The following POGZ variants were observed in gnomAD, a reference collection of about 807,000 sequenced individuals.
POGZ encodes the protein pogo transposable element derived with ZNF domain.
POGZ carries 17 observed loss-of-function variants against 134.6 expected under a neutral mutation model. The ratio of observed to expected loss-of-function variants is 0.13; its 90% CI spans 0.09 to 0.19. POGZ has a LOEUF of 0.19. POGZ is among the 10% of genes least tolerant of loss of function. The probability of loss-of-function intolerance (pLI) is 1.00; values close to 1 mark genes in which losing one functional copy is unlikely to be tolerated. For synonymous variants in POGZ, 693 were observed against 657.1 expected, an observed-to-expected ratio of 1.05 and a Z score of -0.84; for missense variants, 1,306 against 1,769.7, an observed-to-expected ratio of 0.74 and a Z score of 4.70.
intron 1 of POGZ, among the ~76,000 whole-genome samples, chr1:151,455,956 T>A (rs1662723235): frequency 6.8e-6 from 1 of 147,806 alleles, no homozygotes; most frequent in Non-Finnish European, 1.5e-5. Context: ...CTGACCAGGC[T>A]CAACTCCAAC....
At chr1:151,417,868 T>G (rs1405468799) in intron 10 of POGZ, among the ~76,000 whole-genome samples, 1 of 152,164 alleles carries the variant, frequency 6.6e-6, no homozygotes, top group African/African-American at 2.4e-5. Context: ...AGCTACTTTT[T>G]GAAAAGGTAT....
Position 151,411,785 on chromosome 1 carries a change from G to C in POGZ, c.1780-14C>G. On this transcript the variant is annotated splice_polypyrimidine_tract_variant and intron_variant, in intron 11 of 18. Transcript: ENST00000271715. ...ATATTGACACACCTGAGTCACATAG[G>C]AGGGAAAATAAGGCTAAGAATGAAG... 2 of 1,603,536 alleles carry C rather than the reference G, an allele frequency of 1.2e-6. No homozygotes were observed. The highest frequency in any genetic ancestry group is 1.7e-6 in the Non-Finnish European group (2 of 1,175,350).
In POGZ at chr1:151,405,015, T is replaced by G; in HGVS notation, c.4020A>C (p.Thr1340=). 1 of 1,614,184 alleles carries G rather than the reference T, an allele frequency of 6.2e-7. No homozygotes were observed. The highest frequency in any genetic ancestry group is 8.5e-7 in the Non-Finnish European group (1 of 1,180,034). The change falls in exon 19 of 19, where the codon ACA becomes ACC. Residue 1340 remains threonine, a synonymous_variant. Transcript: ENST00000271715. This position sits in a 1 kb window ranked among gnomAD's most constrained non-coding sequence, Gnocchi z 4.9. ...GCTCCTCCTGCATGTCAGCATTTCTTGTAGGTGAGTTAATGTTGCCATCGG... is the reference window on the plus strand; with the variant it reads ...GCTCCTCCTGCATGTCAGCATTTCTGGTAGGTGAGTTAATGTTGCCATCGG... The part of the protein sequence containing the change: ...PGPDGNINSP[T]RNADMQEELI...
Position 151,428,276 on chromosome 1 carries a change from T to C in POGZ, c.706A>G (p.Thr236Ala), listed in dbSNP as rs1241519979. The change falls in exon 6 of 19, where the codon ACC (threonine) becomes GCC (alanine). Residue 236 changes from threonine to alanine, a missense_variant. Around this residue, in one of 10 missense-constraint regions of POGZ, gnomAD observed 541 missense variants for 680.5 expected, o/e 0.80. Transcript: ENST00000271715. ...TFTTVIPATL[T>A]IRSTVPQSQS... ...GACTGTGGGACGGTGCTTCGAATGG[T>C]AAGAGTGGCCGGGATGACGGTGGTG... 1 of 1,613,956 alleles carries C rather than the reference T, an allele frequency of 6.2e-7. No homozygotes were observed. Among genetic ancestry groups the C allele is most frequent in the Non-Finnish European group, 8.5e-7 (1 of 1,180,004 alleles).
In POGZ at chr1:151,406,450, C is replaced by T. The variant is rs778395899; in HGVS notation, c.2585G>A (p.Arg862His). ...CACGTTCCGGTCATGCACTCGGTCACGAGTCTGGCCATGCCTAAAGGGGTG... is the reference window on the plus strand; with the variant it reads ...CACGTTCCGGTCATGCACTCGGTCATGAGTCTGGCCATGCCTAAAGGGGTG... ...WIAHSRHGQT[R>H]DRVHDRNVKN... The change falls in exon 19 of 19, where the codon CGT (arginine) becomes CAT (histidine). Residue 862 changes from arginine (R) to histidine (H), a missense_variant. This residue lies in a region of POGZ where 214 missense variants were observed against 255.5 expected (regional missense o/e 0.84). Transcript: ENST00000271715. 2.3e-5 allele frequency: 36 copies of T among 1,548,812 alleles called. No homozygotes were observed. The highest frequency in any genetic ancestry group is 4.1e-5 in the African/African-American group (3 of 72,366).
At chr1:151,448,678 T>G (rs1426979999) in intron 1 of POGZ, among the ~76,000 whole-genome samples, 1 of 151,872 alleles carries the variant, frequency 6.6e-6, no homozygotes, top group African/African-American at 2.4e-5. Flanking sequence ...CCTGGGCAAC[T>G]TGGTGAAATC....
intron 3 of POGZ, among the ~76,000 whole-genome samples, 164 bp from the exon 4 acceptor site, chr1:151,431,005 G>A (rs1269888062): frequency 1.3e-5 from 2 of 151,700 alleles, no homozygotes; most frequent in African/African-American, 2.4e-5. Context: ...GCACAGTCAC[G>A]GCTCACTGCA....
At position 151,403,354 on chromosome 1, in the gene POGZ, A is replaced by G. The variant is rs928750418; in HGVS notation, c.*1448T>C. On this transcript the variant is annotated 3_prime_UTR_variant, in exon 19 of 19. Coordinates refer to ENST00000271715, the MANE Select transcript of POGZ (RefSeq NM_015100.4). Reference sequence around the variant, plus strand: ...TCACCTAGAAAAAAAACAAGTTTATAAATCCATTTCCCCTCATTTTATTAA... The same window carrying G: ...TCACCTAGAAAAAAAACAAGTTTATGAATCCATTTCCCCTCATTTTATTAA... 1 of 985,506 alleles carries G rather than the reference A, an allele frequency of 1.0e-6. No individual in the cohort carries two copies. Among genetic ancestry groups the G allele is most frequent in the African/African-American group, 1.7e-5 (1 of 57,234 alleles). The allele number at this position is 985,506 out of a possible 1,614,324, so 61.0% of individuals were successfully genotyped here. A position where few individuals can be genotyped will look rare whatever the true frequency, so the allele number is the denominator to read the frequency against.
intron 10 of POGZ, among the ~76,000 whole-genome samples, chr1:151,415,611 C>A (rs1338696598): frequency 7.0e-6 from 1 of 142,448 alleles, no homozygotes; most frequent in East Asian, 2.0e-4. Context: ...ACAGAGCTTG[C>A]AGTGAGCCGA....
At position 151,404,920 on chromosome 1, in the gene POGZ, C is replaced by G; in HGVS notation, c.4115G>C (p.Arg1372Thr). The G allele has an allele frequency of 6.2e-7, 1 of 1,614,202 alleles. No homozygotes were observed. The highest frequency in any genetic ancestry group is 8.5e-7 in the Non-Finnish European group (1 of 1,180,042). Residue 1372 changes from arginine to threonine, a missense_variant, in exon 19 of 19, where the codon AGA becomes ACA. Physicochemically the swap from Arg to Thr is moderately conservative, Grantham distance 71 (BLOSUM62 -1). Coordinates refer to ENST00000271715, the MANE Select transcript of POGZ (RefSeq NM_015100.4). Reference protein sequence around the residue: ...EHSESSTPRPRSSPEETIEPE... With the variant: ...EHSESSTPRPTSSPEETIEPE... ...CTCAATTGTCTCTTCAGGAGATGAT[C>G]TGGGTCGTGGAGTGGAAGACTCAGA...
intron 10 of POGZ, among the ~76,000 whole-genome samples, chr1:151,415,174 C>T (rs548497526): frequency 6.6e-6 from 1 of 152,252 alleles, no homozygotes; most frequent in East Asian, 1.9e-4. Context: ...CAATCTTCCC[C>T]AACCCCGACA....
intron 3 of POGZ, among the ~76,000 whole-genome samples, chr1:151,440,431 T>C (rs1660346711): frequency 6.6e-6 from 1 of 151,690 alleles, no homozygotes; most frequent in African/African-American, 2.4e-5. Context: ...GCCTTTCTAT[T>C]AAAAAAAATA....
rs1653288743 is a variant in POGZ, at chr1:151,404,921, T to C, written c.4114A>G (p.Arg1372Gly). Reference protein sequence around the residue: ...EHSESSTPRPRSSPEETIEPE... With the variant: ...EHSESSTPRPGSSPEETIEPE... Reference sequence around the variant, plus strand: ...TCAATTGTCTCTTCAGGAGATGATCTGGGTCGTGGAGTGGAAGACTCAGAA... The same window carrying C: ...TCAATTGTCTCTTCAGGAGATGATCCGGGTCGTGGAGTGGAAGACTCAGAA... Residue 1372 changes from arginine to glycine, a missense_variant, in exon 19 of 19, where the codon AGA becomes GGA. Arg to Gly is a moderately radical substitution (Grantham distance 125, BLOSUM62 -2). Around this residue, in one of 10 missense-constraint regions of POGZ, gnomAD observed 107 missense variants for 97.9 expected, o/e 1.09. Transcript: ENST00000271715. The C allele has an allele frequency of 6.2e-7, 1 of 1,614,208 alleles. No individual in the cohort carries two copies. Among genetic ancestry groups the C allele is most frequent in the East Asian group, 2.2e-5 (1 of 44,882 alleles).
chr1:151,422,865 T>TACA (rs540789040), intron 10 of POGZ, among the ~76,000 whole-genome samples: 297 of 152,334 alleles, frequency 1.9e-3, no homozygotes, highest in African/African-American at 7.0e-3. Flanking sequence ...GTGTTGGGAT[T>TACA]ACAGGCGTGA....
chr1:151,414,114 T>A (rs545759101), intron 10 of POGZ, among the ~76,000 whole-genome samples: 1 of 152,108 alleles, frequency 6.6e-6, no homozygotes. Context: ...GGAAAAGCTA[T>A]AACAACATAT....
chr1:151,446,694 C>T (rs1297038993), intron 1 of POGZ, among the ~76,000 whole-genome samples: 3 of 138,326 alleles, frequency 2.2e-5, no homozygotes, highest in East Asian at 2.3e-4. Context: ...AGGTGGAGGT[C>T]GCAGTGAGCT....
chr1:151,411,827 C>A, intron 11 of POGZ, 56 bp from the exon 12 acceptor site: 13 of 1,427,012 alleles, frequency 9.1e-6, no homozygotes, highest in South Asian at 4.6e-5. Flanking sequence ...ACTGAGAGGC[C>A]TTAAAAAAAA....
intron 1 of POGZ, among the ~76,000 whole-genome samples, chr1:151,450,023 ATTTTTTT>A (rs1171783071): frequency 2.7e-4 from 20 of 74,328 alleles, no homozygotes; most frequent in Admixed American, 4.2e-4. Flanking sequence ...GTGAAACTTG[ATTTTTTT>A]TTTTTTTTTT....
rs909057044 is a variant in POGZ, at chr1:151,407,225, T to A, written c.2432+10A>T. ...AAAAATTAAGATGCTGCCAATAAGT[T>A]TTTTCTTACCTCACAGAATTTTTAA... On this transcript the variant is annotated intron_variant, in intron 16 of 18. Transcript: ENST00000271715. 5.7e-6 allele frequency: 9 copies of A among 1,585,858 alleles called. No homozygotes were observed. The highest frequency in any genetic ancestry group is 3.5e-5 in the Admixed American group (2 of 56,484).
Sources: gnomAD v4.1 joint callset for allele counts (sites outside exome capture counted in the v4.1 genomes callset) on GRCh38, gnomAD v4.1.1 for gene constraint, gnomAD v4.1.1 regional missense constraint, Gnocchi (gnomAD v3.1) non-coding constraint, MANE v1.5 for transcripts, NCBI Gene and HGNC (gene_info 2026-07-23, HGNC 2026-07-21) for gene names.